The following EVI5L variants were observed in gnomAD, a reference collection of about 807,000 sequenced individuals.
The protein encoded by EVI5L is ecotropic viral integration site 5 like, also known as EVI5-like protein.
Under a neutral mutation model 106.1 loss-of-function variants are expected in EVI5L, and 30 were observed. That is an observed-to-expected ratio of 0.28 (90% confidence interval 0.21 to 0.38). The LOEUF (loss-of-function observed/expected upper bound fraction) is 0.38. Among genes scored for constraint, EVI5L ranks in the 10% least tolerant of loss-of-function variants. The probability of loss-of-function intolerance (pLI) is 1.00; values close to 1 mark genes in which losing one functional copy is unlikely to be tolerated. For synonymous variants in EVI5L, 489 were observed against 483.3 expected, an observed-to-expected ratio of 1.01 and a Z score of -0.15; for missense variants, 809 against 1,098.0, an observed-to-expected ratio of 0.74 and a Z score of 3.72.
Position 7,862,547 on chromosome 19 carries a change from G to T in EVI5L, c.1947+13G>T. ...GGCCGAGTGCAAGGTGCAGACCCCC[G>T]CGGCCCCGCCCTGCCCGTGGCACCG... On this transcript the variant is annotated intron_variant, in intron 17 of 19. Coordinates refer to ENST00000538904, the MANE Select transcript of EVI5L (RefSeq NM_001159944.3). 1 of 1,437,256 alleles carries T rather than the reference G, an allele frequency of 7.0e-7. No individual in the cohort carries two copies. The allele number at this position is 1,437,256 out of a possible 1,614,324, so 89.0% of individuals were successfully genotyped here. A position where few individuals can be genotyped will look rare whatever the true frequency, so the allele number is the denominator to read the frequency against.
chr19:7,858,446 G>C lies in EVI5L; in HGVS notation c.1374+115G>C. 1 of 1,342,966 alleles carries C rather than the reference G, an allele frequency of 7.4e-7. No individual in the cohort carries two copies. The highest frequency in any genetic ancestry group is 9.8e-7 in the Non-Finnish European group (1 of 1,015,638). The allele number at this position is 1,342,966 out of a possible 1,614,324, so 83.2% of individuals were successfully genotyped here. ...CCCCGCCTCAGCACCTGGCCCTCCT[G>C]TTCCTTTCTGGGGTAAGGGGAACCC... On this transcript the variant is annotated intron_variant, in intron 13 of 19. Transcript: ENST00000538904. This position sits in a 1 kb window ranked among gnomAD's most constrained non-coding sequence, Gnocchi z 5.7.
intron 8 of EVI5L, 108 bp from the exon 9 acceptor site, chr19:7,852,978 C>A: frequency 9.6e-7 from 1 of 1,041,584 alleles, no homozygotes; most frequent in Non-Finnish European, 1.5e-6. Context: ...CATGGCGACA[C>A]CCCGGGCAGA....
chr19:7,844,319 G>T lies in EVI5L; in HGVS notation c.-47-2177G>T, dbSNP rs566741469. Among the ~76,000 whole-genome samples the T allele has an allele frequency of 2.1e-5, 3 of 143,052 alleles. No homozygotes were observed. In the South Asian group the frequency reaches 7.0e-4, roughly 33 times the overall value. The allele number at this position is 143,052 out of a possible 152,430, so 93.8% of individuals were successfully genotyped here. A position where few individuals can be genotyped will look rare whatever the true frequency, so the allele number is the denominator to read the frequency against. On this transcript the variant is annotated intron_variant, in intron 1 of 19. Transcript: ENST00000538904. The stretch of plus-strand genomic sequence containing the variant: ...TGCACTCCAGCCTGGGCAACAGAGC[G>T]AGACTCCGTCTCAAAAAAAAAAAAA...
rs1978926668 is a variant in EVI5L, at chr19:7,845,873, C to A, written c.-47-623C>A. On this transcript the variant is annotated intron_variant, in intron 1 of 19. Coordinates refer to ENST00000538904, the MANE Select transcript of EVI5L (RefSeq NM_001159944.3). The surrounding 1 kb of genome is among the most constrained non-coding windows in gnomAD (Gnocchi z 4.0). Reference sequence around the variant, plus strand: ...AGCTCTGGCTCTGTGTCTGCCAGGGCACAGATTCCCAGCACTCTGCCACGT... The same window carrying A: ...AGCTCTGGCTCTGTGTCTGCCAGGGAACAGATTCCCAGCACTCTGCCACGT... Among the ~76,000 whole-genome samples, 1 of 152,208 alleles carries A rather than the reference C, an allele frequency of 6.6e-6. No homozygotes were observed. Among genetic ancestry groups the A allele is most frequent in the Admixed American group, 6.5e-5 (1 of 15,284 alleles).
At chr19:7,842,663 AGT>A (rs1201446462) in intron 1 of EVI5L, among the ~76,000 whole-genome samples, 2 of 151,322 alleles carry the variant, frequency 1.3e-5, no homozygotes, top group Non-Finnish European at 2.9e-5. Context: ...TTATGTATCA[AGT>A]GTGTGCATGG....
chr19:7,861,827 G>A lies in EVI5L; in HGVS notation c.1504-51G>A, dbSNP rs1457450542. 7.1e-6 allele frequency: 11 copies of A among 1,545,756 alleles called. No homozygotes were observed. The South Asian group carries it at 1.1e-4, about 15-fold the overall frequency. ...CTGGGGGCGTTTGTCCTGCAGGAAG[G>A]GCCATGCGGCTGCGCTGCTCCCCCA... On this transcript the variant is annotated intron_variant, in intron 14 of 19. Transcript: ENST00000538904.
intron 1 of EVI5L, among the ~76,000 whole-genome samples, chr19:7,836,185 CAAGATCG>C (rs908827802): frequency 6.6e-6 from 1 of 151,910 alleles, no homozygotes; most frequent in Non-Finnish European, 1.5e-5. Flanking sequence ...TGCAGTGAGC[CAAGATCG>C]TGCAACTGCA....
intron 13 of EVI5L, chr19:7,859,046 C>T (rs1979670494): frequency 6.6e-6 from 1 of 152,068 alleles, no homozygotes; most frequent in Non-Finnish European, 1.5e-5. Context: ...CAAAAATAAG[C>T]TGGGTATGGT....
intron 5 of EVI5L, 79 bp downstream of exon 5, chr19:7,849,409 T>G (rs1979126846): frequency 1.4e-6 from 2 of 1,477,768 alleles, no homozygotes; most frequent in Non-Finnish European, 1.9e-6. Flanking sequence ...TGGACAGAAG[T>G]GGCGTGTCCT....
Position 7,862,261 on chromosome 19 carries a change from T to G in EVI5L, c.1784T>G (p.Val595Gly). Residue 595 changes from valine (V) to glycine (G), a missense_variant, in exon 16 of 20, where the codon GTG (valine) becomes GGG (glycine). By Grantham distance (109) the Val-to-Gly change is moderately radical. Around this residue, in one of 2 missense-constraint regions of EVI5L, gnomAD observed 452 missense variants for 509.9 expected, o/e 0.89. Transcript: ENST00000538904. ...GGCCGCGAGCTGCGGCAGCGCGTGG[T>G]GGAACTTGAGACGCAGGTGGACTCG... ...AEGRELRQRV[V>G]ELETQDHIHR... is the part of the protein sequence containing the mutation. 6.3e-7 allele frequency: 1 copy of G among 1,579,188 alleles called. No individual in the cohort carries two copies. Among genetic ancestry groups the G allele is most frequent in the Non-Finnish European group, 8.6e-7 (1 of 1,162,948 alleles).
chr19:7,838,798 C>T (rs1378377174), intron 1 of EVI5L, among the ~76,000 whole-genome samples: 3 of 151,938 alleles, frequency 2.0e-5, no homozygotes, highest in African/African-American at 7.2e-5. Flanking sequence ...GAAAAGCGAG[C>T]CAGGATGCTG....
rs546617746 is a variant in EVI5L, at chr19:7,853,466, G to C, written c.1146+133G>C. 1.3e-5 allele frequency: 16 copies of C among 1,238,158 alleles called. No homozygotes were observed. The South Asian group carries it at 2.2e-4, about 17-fold the overall frequency. 76.7% of individuals were successfully genotyped at this position (1,238,158 alleles called of 1,614,324 possible). On this transcript the variant is annotated intron_variant, in intron 10 of 19. Transcript: ENST00000538904. ...CGGACCCGGCGGTCCTTGGCGGACA[G>C]GCCTCCGCCCACCTGCGCCGTCCTT...
At chr19:7,830,803 C>T (rs1978290866) in intron 1 of EVI5L, among the ~76,000 whole-genome samples, 1 of 145,344 alleles carries the variant, frequency 6.9e-6, no homozygotes, top group African/African-American at 2.6e-5. Flanking sequence ...CTCAGGACCC[C>T]TCCCTTCTGG....
rs569268408 is a variant in EVI5L at position 7,863,389 on chromosome 19, C to G, written c.2140-35C>G. 34 of 1,528,908 alleles carry G rather than the reference C, an allele frequency of 2.2e-5. No individual in the cohort carries two copies. The African/African-American group carries it at 3.9e-4, about 17-fold the overall frequency. The allele number at this position is 1,528,908 out of a possible 1,614,324, so 94.7% of individuals were successfully genotyped here. On this transcript the variant is annotated intron_variant, in intron 19 of 19. Coordinates refer to ENST00000538904, the MANE Select transcript of EVI5L (RefSeq NM_001159944.3). The surrounding 1 kb of genome is among the most constrained non-coding windows in gnomAD (Gnocchi z 7.7). ...CGGCTGGGAGGGCGGGGCAGAAGGC[C>G]GGTCCACGCCTGCAGCGCCGGTCCC...
At chr19:7,843,110 GGTGT>G (rs148644716) in intron 1 of EVI5L, among the ~76,000 whole-genome samples, 12 of 147,624 alleles carry the variant, frequency 8.1e-5, no homozygotes, top group East Asian at 6.2e-4. Flanking sequence ...AATAGGCATG[GGTGT>G]GTGTGTCATG....
chr19:7,855,970 G>A (rs774113876), intron 10 of EVI5L, 45 bp from the exon 11 acceptor site: 8 of 1,320,000 alleles, frequency 6.1e-6, no homozygotes, highest in Non-Finnish European at 7.8e-6. Flanking sequence ...CATGTAGACA[G>A]GCGTGGGGGG....
In EVI5L at chr19:7,862,499, G is replaced by C; in HGVS notation, c.1912G>C (p.Glu638Gln). Residue 638 changes from glutamate (E) to glutamine (Q), a missense_variant, in exon 17 of 20, where the codon GAA becomes CAA. Transcript: ENST00000538904. ...QNKGLQTQLS[E>Q]SRRKQAEAEC... The stretch of plus-strand genomic sequence containing the variant: ...CAAGGGGCTGCAGACGCAGCTCAGC[G>C]AAAGCCGCCGCAAGCAGGCCGAGGC... 3.8e-6 allele frequency: 6 copies of C among 1,568,010 alleles called. No homozygotes were observed. The highest frequency in any genetic ancestry group is 4.3e-6 in the Non-Finnish European group (5 of 1,158,126).
In EVI5L at chr19:7,845,208, C is replaced by G. The variant is rs1005082143; in HGVS notation, c.-47-1288C>G. The stretch of plus-strand genomic sequence containing the variant: ...CAGTGGGCGGGCATGAGGAGCCGTG[C>G]AAATAAGGAGGCAGGAGGCAGGGTT... On this transcript the variant is annotated intron_variant, in intron 1 of 19. Coordinates refer to ENST00000538904, the MANE Select transcript of EVI5L (RefSeq NM_001159944.3). The surrounding 1 kb of genome is among the most constrained non-coding windows in gnomAD (Gnocchi z 4.0). Among the ~76,000 whole-genome samples the G allele has an allele frequency of 6.6e-6, 1 of 152,118 alleles. No individual in the cohort carries two copies. The highest frequency in any genetic ancestry group is 2.4e-5 in the African/African-American group (1 of 41,418).
intron 1 of EVI5L, among the ~76,000 whole-genome samples, chr19:7,831,846 C>G (rs751605941): frequency 1.3e-5 from 2 of 152,200 alleles, no homozygotes; most frequent in African/African-American, 4.8e-5. Flanking sequence ...CCTGACAGCC[C>G]GAGAGTTCTT....
Sources: allele counts gnomAD v4.1 joint callset (sites outside exome capture counted in the v4.1 genomes callset), GRCh38; gene constraint gnomAD v4.1.1; regional missense constraint gnomAD v4.1.1; non-coding constraint Gnocchi (gnomAD v3.1); transcripts MANE v1.5; gene names NCBI Gene and HGNC (gene_info 2026-07-23, HGNC 2026-07-21).